ANKRD36: variants seen among roughly 807,000 people sequenced by gnomAD.
The protein encoded by ANKRD36 is ankyrin repeat domain-containing protein 36A.
ANKRD36 carries 179 observed loss-of-function variants against 278.1 expected under a neutral mutation model. The observed-to-expected ratio is 0.64, with a 90% CI of 0.57 to 0.73. The LOEUF (loss-of-function observed/expected upper bound fraction) is 0.73, where lower values mean the gene tolerates loss of function less well. ANKRD36 is among the 30% of genes least tolerant of loss of function. The pLI is 0.00. For synonymous variants in ANKRD36, 320 were observed against 641.1 expected, an observed-to-expected ratio of 0.50 and a Z score of 7.57; for missense variants, 1,159 against 1,956.7, an observed-to-expected ratio of 0.59 and a Z score of 7.69.
chr2:97,170,717 TAA>T (rs2052206061), intron 22 of ANKRD36, among the ~76,000 whole-genome samples: 1 of 151,648 alleles, frequency 6.6e-6, no homozygotes, highest in Non-Finnish European at 1.5e-5. Flanking sequence ...CTAATTAAAC[TAA>T]AGAGCTTCTG....
chr2:97,142,369 A>G (rs1306401763), intron 6 of ANKRD36, among the ~76,000 whole-genome samples: 2 of 151,956 alleles, frequency 1.3e-5, no homozygotes, highest in Admixed American at 6.6e-5. Flanking sequence ...CCATATATCC[A>G]CAATGATACT....
chr2:97,201,282 C>T (rs1316793927), intron 46 of ANKRD36, among the ~76,000 whole-genome samples: 1 of 151,866 alleles, frequency 6.6e-6, no homozygotes, highest in Admixed American at 6.6e-5. Flanking sequence ...GTTCAAGGAG[C>T]TACCTCTTGG....
chr2:97,136,328 A>G (rs1205640873), intron 6 of ANKRD36, among the ~76,000 whole-genome samples: 2 of 151,230 alleles, frequency 1.3e-5, no homozygotes, highest in South Asian at 2.1e-4. Context: ...TTCCCCCCGT[A>G]TCTTGCACTA....
rs772869806 is a variant in ANKRD36, at chr2:97,127,075, A to T, written c.740A>T (p.Asp247Val). 1.4e-5 allele frequency: 17 copies of T among 1,256,606 alleles called. No individual in the cohort carries two copies. In the Admixed American group the frequency reaches 4.1e-4, roughly 30 times the overall value. The allele number at this position is 1,256,606 out of a possible 1,614,324, so 77.8% of individuals were successfully genotyped here. A position where few individuals can be genotyped will look rare whatever the true frequency, so the allele number is the denominator to read the frequency against. ...TTTATTTTTATGCATAGCATTTTTGATCTAATTTATGAATACGAAAGAAAG... is the reference window on the plus strand; with the variant it reads ...TTTATTTTTATGCATAGCATTTTTGTTCTAATTTATGAATACGAAAGAAAG... Reference protein sequence around the residue: ...AIEAKNRVIFDLIYEYERKRY... With the variant: ...AIEAKNRVIFVLIYEYERKRY... Residue 247 changes from aspartate to valine, a missense_variant, in exon 6 of 76, where the codon GAT becomes GTT. By Grantham distance (152) the Asp-to-Val change is radical. Coordinates refer to ENST00000420699, the MANE Select transcript of ANKRD36 (RefSeq NM_001354587.1).
chr2:97,161,009 G>A (rs546155562), intron 17 of ANKRD36, among the ~76,000 whole-genome samples: 2 of 151,980 alleles, frequency 1.3e-5, no homozygotes, highest in East Asian at 3.9e-4. Context: ...CCCATATTTT[G>A]TTTTCTTTTT....
intron 6 of ANKRD36, among the ~76,000 whole-genome samples, chr2:97,134,572 A>G (rs920302994): frequency 6.6e-6 from 1 of 152,128 alleles, no homozygotes; most frequent in Non-Finnish European, 1.5e-5. Flanking sequence ...ATCACTTTGA[A>G]GACAGTCTAT....
chr2:97,235,573 A>G (rs1426936353), intron 68 of ANKRD36, among the ~76,000 whole-genome samples: 3 of 141,988 alleles, frequency 2.1e-5, no homozygotes, highest in Non-Finnish European at 4.5e-5. Context: ...TTGATTGCCA[A>G]CATAGACAGC....
At chr2:97,212,798 G>A (rs201003500) in intron 58 of ANKRD36, 7 of 173,010 alleles carry the variant, frequency 4.0e-5, no homozygotes, top group Non-Finnish European at 8.6e-5. Flanking sequence ...AAGGCTAAAC[G>A]AGTGGATACA....
At chr2:97,150,893 CCTCT>C (rs1272983466) in intron 12 of ANKRD36, among the ~76,000 whole-genome samples, 1 of 134,506 alleles carries the variant, frequency 7.4e-6, no homozygotes, top group Admixed American at 7.5e-5. Context: ...TTTCTTTCCC[CCTCT>C]CTCTCTCTGT....
chr2:97,220,761 C>G lies in ANKRD36; in HGVS notation c.3877+1515C>G, dbSNP rs200929945. Among the ~76,000 whole-genome samples the G allele has an allele frequency of 2.0e-4, 14 of 70,610 alleles. No homozygotes were observed. The South Asian group carries it at 2.5e-3, about 13-fold the overall frequency. The allele number at this position is 70,610 out of a possible 152,430, so 46.3% of individuals were successfully genotyped here. A position where few individuals can be genotyped will look rare whatever the true frequency, so the allele number is the denominator to read the frequency against. On this transcript the variant is annotated intron_variant, in intron 66 of 75. Transcript: ENST00000420699. ...TTTTTTTTTTTTAATTTTTAATTTTCTTTTTTTTTTTTAATTTTTTTTTTT... is the reference window on the plus strand; with the variant it reads ...TTTTTTTTTTTTAATTTTTAATTTTGTTTTTTTTTTTTAATTTTTTTTTTT...
Position 97,146,473 on chromosome 2 carries a change from T to G in ANKRD36, c.1004-13T>G, listed in dbSNP as rs769334403. 3 of 1,510,914 alleles carry G rather than the reference T, an allele frequency of 2.0e-6. No homozygotes were observed. Among genetic ancestry groups the G allele is most frequent in the South Asian group, 2.4e-5 (2 of 81,716 alleles). 93.6% of individuals were successfully genotyped at this position (1,510,914 alleles called of 1,614,324 possible). A position where few individuals can be genotyped will look rare whatever the true frequency, so the allele number is the denominator to read the frequency against. ...TTGTTGATTTAAAATGCATTTTACTTTTTGTTTAATAGTGCTTCCTGCTGT... is the reference window on the plus strand; with the variant it reads ...TTGTTGATTTAAAATGCATTTTACTGTTTGTTTAATAGTGCTTCCTGCTGT... On this transcript the variant is annotated splice_polypyrimidine_tract_variant and intron_variant, in intron 10 of 75. Transcript: ENST00000420699.
intron 67 of ANKRD36, among the ~76,000 whole-genome samples, chr2:97,226,247 T>C (rs577759398): frequency 2.7e-3 from 406 of 151,864 alleles, no homozygotes; most frequent in Non-Finnish European, 2.5e-3. Context: ...ACCAACAGTG[T>C]AAAAGTGTTC....
chr2:97,142,749 C>G lies in ANKRD36; in HGVS notation c.829-14C>G, dbSNP rs766321031. On this transcript the variant is annotated splice_polypyrimidine_tract_variant and intron_variant, in intron 7 of 75. Transcript: ENST00000420699. ...ACTTTATGTATTGATTATTTTGTTT[C>G]AAATCCCACTCAGGCTACAAGTGGC... 19 of 1,604,468 alleles carry G rather than the reference C, an allele frequency of 1.2e-5. No homozygotes were observed. The highest frequency in any genetic ancestry group is 1.4e-5 in the Non-Finnish European group (16 of 1,176,328).
At chr2:97,150,474 T>G (rs1340892346) in intron 12 of ANKRD36, among the ~76,000 whole-genome samples, 2 of 152,268 alleles carry the variant, frequency 1.3e-5, no homozygotes, top group African/African-American at 4.8e-5. Flanking sequence ...TTAATGTGAA[T>G]CAACAAACAG....
At chr2:97,145,643 C>G (rs1356072852) in intron 10 of ANKRD36, among the ~76,000 whole-genome samples, 2 of 151,950 alleles carry the variant, frequency 1.3e-5, no homozygotes, top group Non-Finnish European at 2.9e-5. Context: ...TTATTCAGAT[C>G]TAATGCTTGT....
intron 6 of ANKRD36, among the ~76,000 whole-genome samples, chr2:97,130,526 A>G (rs1278645510): frequency 2.0e-5 from 3 of 151,832 alleles, no homozygotes; most frequent in Admixed American, 6.6e-5. Context: ...CAGCACACCA[A>G]CATGGCACAT....
chr2:97,172,353 A>G (rs2052825604), intron 22 of ANKRD36, among the ~76,000 whole-genome samples: 1 of 151,918 alleles, frequency 6.6e-6, no homozygotes, highest in Non-Finnish European at 1.5e-5. Context: ...TGATCTCATG[A>G]TATGCCATGT....
At chr2:97,180,187 C>T (rs1461488741) in intron 24 of ANKRD36, among the ~76,000 whole-genome samples, 2 of 151,534 alleles carry the variant, frequency 1.3e-5, no homozygotes, top group African/African-American at 2.4e-5. Context: ...CAACACATAC[C>T]AGGCTAAGGG....
chr2:97,189,351 C>T, intron 34 of ANKRD36, 61 bp downstream of exon 34: 1 of 683,288 alleles, frequency 1.5e-6, no homozygotes, highest in East Asian at 2.6e-5. Context: ...ACTTCTCTAC[C>T]CCGAATAAAT....
Sources: allele counts gnomAD v4.1 joint callset (sites outside exome capture counted in the v4.1 genomes callset), GRCh38; gene constraint gnomAD v4.1.1; transcripts MANE v1.5; gene names NCBI Gene and HGNC (gene_info 2026-07-23, HGNC 2026-07-21).